GNAL: variants seen among roughly 807,000 people sequenced by gnomAD.
The protein encoded by GNAL is guanine nucleotide-binding protein G(olf) subunit alpha.
GNAL carries 18 observed loss-of-function variants against 55.1 expected under a neutral mutation model. The observed-to-expected ratio is 0.33, with a 90% confidence interval of 0.23 to 0.48. The LOEUF (loss-of-function observed/expected upper bound fraction) is 0.48. Among genes scored for constraint, GNAL ranks in the 20% least tolerant of loss-of-function variants. The pLI, the probability that GNAL is intolerant of heterozygous loss-of-function variation, is 0.99. For missense variants in GNAL, 412 were observed against 614.1 expected (o/e 0.67, Z 3.48); for synonymous variants, 253 against 237.0 (o/e 1.07, Z -0.62).
chr18:11,851,230 G>A (rs1425168203), intron 5 of GNAL, among the ~76,000 whole-genome samples: 1 of 152,364 alleles, frequency 6.6e-6, no homozygotes, highest in East Asian at 1.9e-4. Context: ...CGCAGCGCAG[G>A]AAGCGAGCGT....
intron 5 of GNAL, among the ~76,000 whole-genome samples, chr18:11,848,460 TC>T (rs1338016489): frequency 6.0e-5 from 9 of 150,420 alleles, no homozygotes; most frequent in African/African-American, 2.2e-4. Flanking sequence ...TTTTTTCTTT[TC>T]TTTTTTTTTT....
intron 4 of GNAL, among the ~76,000 whole-genome samples, chr18:11,780,958 C>T (rs956284735): frequency 6.6e-6 from 1 of 152,194 alleles, no homozygotes; most frequent in African/African-American, 2.4e-5. Flanking sequence ...GTATAAATGA[C>T]TGATAACAGG....
At chr18:11,847,178 G>A (rs2035758601) in intron 5 of GNAL, among the ~76,000 whole-genome samples, 1 of 152,012 alleles carries the variant, frequency 6.6e-6, no homozygotes, top group Admixed American at 6.6e-5. Context: ...AGGTTGAATA[G>A]TACCAGGTAT....
At chr18:11,734,543 G>T (rs974593434) in intron 1 of GNAL, among the ~76,000 whole-genome samples, 11 of 151,848 alleles carry the variant, frequency 7.2e-5, no homozygotes, top group African/African-American at 2.7e-4. Flanking sequence ...TGGCTTAAAT[G>T]ATATGTCCTT....
chr18:11,851,380 T>C (rs2035859289), intron 5 of GNAL: 1 of 1,211,450 alleles, frequency 8.3e-7, no homozygotes, highest in Non-Finnish European at 1.1e-6. Flanking sequence ...CGTCACCACC[T>C]GCGCCGCTCA....
In GNAL at chr18:11,689,812, C is replaced by T. The variant is rs890228437; in HGVS notation, c.249C>T (p.Ala83=). 3 of 1,537,066 alleles carry T rather than the reference C, an allele frequency of 2.0e-6. No homozygotes were observed. Among genetic ancestry groups the T allele is most frequent in the African/African-American group, 1.4e-5 (1 of 70,520 alleles). ...GGCAGCGCACCGAGCAGCTGAGTGC[C>T]GAGGAGCGCGAGGCGGCCAAGGAGC... ...EKRQRTEQLS[A]EEREAAKERE... The change falls in exon 1 of 12, where the codon GCC becomes GCT. Residue 83 remains alanine, a synonymous_variant. Transcript: ENST00000334049.
At chr18:11,758,797 T>C (rs899993592) in intron 4 of GNAL, among the ~76,000 whole-genome samples, 2 of 152,212 alleles carry the variant, frequency 1.3e-5, no homozygotes, top group Non-Finnish European at 2.9e-5. Context: ...AAATTTTGCA[T>C]AGCAGCCAGC....
At chr18:11,830,573 G>C (rs1453950318) in intron 5 of GNAL, among the ~76,000 whole-genome samples, 1 of 152,138 alleles carries the variant, frequency 6.6e-6, no homozygotes, top group African/African-American at 2.4e-5. Context: ...AGAGAATCCA[G>C]TAGTTCCTCA....
intron 4 of GNAL, among the ~76,000 whole-genome samples, chr18:11,767,301 T>C (rs1399457755): frequency 1.3e-5 from 2 of 151,834 alleles, no homozygotes. Context: ...GCACATTTGC[T>C]CTCTGTGCCT....
intron 5 of GNAL, among the ~76,000 whole-genome samples, chr18:11,848,186 C>G (rs1261181155): frequency 1.3e-5 from 2 of 152,104 alleles, no homozygotes; most frequent in Non-Finnish European, 2.9e-5. Flanking sequence ...AACATGAGAG[C>G]AGTTAGCTAT....
At chr18:11,744,340 C>A (rs1364203380) in intron 1 of GNAL, among the ~76,000 whole-genome samples, 1 of 152,086 alleles carries the variant, frequency 6.6e-6, no homozygotes, top group Non-Finnish European at 1.5e-5. Flanking sequence ...TATTTGATCA[C>A]AGATTATTAT....
intron 8 of GNAL, among the ~76,000 whole-genome samples, 196 bp downstream of exon 8, chr18:11,867,422 T>A (rs183612320): frequency 6.6e-6 from 1 of 152,152 alleles, no homozygotes; most frequent in South Asian, 2.1e-4. Context: ...CTCACGCCCG[T>A]AATCCCAGCA....
chr18:11,765,932 C>A (rs2033392892), intron 4 of GNAL, among the ~76,000 whole-genome samples: 1 of 152,080 alleles, frequency 6.6e-6, no homozygotes, highest in Non-Finnish European at 1.5e-5. Context: ...CTCTAAGGAC[C>A]CTTGCTCTTT....
intron 1 of GNAL, among the ~76,000 whole-genome samples, chr18:11,715,244 G>A (rs1201280249): frequency 1.3e-5 from 2 of 151,884 alleles, no homozygotes; most frequent in Non-Finnish European, 2.9e-5. Flanking sequence ...CGGATCACAA[G>A]GTCAGGAGAT....
chr18:11,826,222 C>T (rs2035239982), intron 5 of GNAL, among the ~76,000 whole-genome samples: 2 of 151,320 alleles, frequency 1.3e-5, no homozygotes, highest in South Asian at 2.1e-4. Flanking sequence ...CTCCAAGGGG[C>T]CCATGGCAAG....
chr18:11,702,672 C>T (rs369176819), intron 1 of GNAL, among the ~76,000 whole-genome samples: 5 of 152,102 alleles, frequency 3.3e-5, no homozygotes, highest in Admixed American at 6.6e-5. Context: ...TGACCCTGTG[C>T]GGGAGACAAA....
At chr18:11,776,814 C>T (rs566052499) in intron 4 of GNAL, among the ~76,000 whole-genome samples, 36 of 151,958 alleles carry the variant, frequency 2.4e-4, no homozygotes, top group Admixed American at 2.2e-3. Context: ...TGGAAACATG[C>T]TTCTCTTCAC....
chr18:11,864,823 T>G lies in GNAL; in HGVS notation c.851+217T>G, dbSNP rs76409928. Among the ~76,000 whole-genome samples, 1,072 of 152,300 alleles carry G rather than the reference T, an allele frequency of 7.0e-3. 11 individuals are homozygous for G. Among genetic ancestry groups the G allele is most frequent in the African/African-American group, 0.024 (994 of 41,568 alleles). On this transcript the variant is annotated intron_variant, in intron 7 of 11. Coordinates refer to ENST00000334049, the MANE Select transcript of GNAL (RefSeq NM_182978.4). ...AGGACACCTGAAAGGAAGGCAGTGTTTGCATCTGAGTTGTTGATTTGATTG... is the reference window on the plus strand; with the variant it reads ...AGGACACCTGAAAGGAAGGCAGTGTGTGCATCTGAGTTGTTGATTTGATTG...
intron 11 of GNAL, 136 bp from the exon 12 acceptor site, chr18:11,880,853 T>C: frequency 1.2e-6 from 1 of 833,150 alleles, no homozygotes; most frequent in South Asian, 1.7e-5. Flanking sequence ...AGACCATTCC[T>C]GCCTCTAAGT....
Sources: allele counts gnomAD v4.1 joint callset (sites outside exome capture counted in the v4.1 genomes callset), GRCh38; gene constraint gnomAD v4.1.1; transcripts MANE v1.5; gene names NCBI Gene and HGNC (gene_info 2026-07-23, HGNC 2026-07-21).